The following PTGIR variants were observed in gnomAD, a reference collection of about 807,000 sequenced individuals.
The protein encoded by PTGIR is prostaglandin I2 receptor, also known as prostacyclin receptor.
PTGIR carries 16 observed loss-of-function variants against 17.6 expected under a neutral mutation model. That is an observed-to-expected ratio of 0.91 (90% CI 0.61 to 1.38). The LOEUF (loss-of-function observed/expected upper bound fraction) is 1.38. Among genes scored for constraint, PTGIR ranks in the 40% most tolerant of loss-of-function variants. PTGIR has a pLI of 0.00. For synonymous variants in PTGIR, 274 were observed against 255.4 expected, an observed-to-expected ratio of 1.07 and a Z score of -0.69; for missense variants, 532 against 548.6, an observed-to-expected ratio of 0.97 and a Z score of 0.30.
intron 2 of PTGIR, chr19:46,622,662 C>G (rs2052744268): frequency 6.6e-6 from 1 of 152,288 alleles, no homozygotes; most frequent in South Asian, 2.1e-4. Context: ...AAGCCAGGAG[C>G]TGTCTGACTG....
At position 46,623,878 on chromosome 19, in the gene PTGIR, C is replaced by T. The variant is rs1022299775; in HGVS notation, c.348G>A (p.Glu116=). 7 of 1,610,470 alleles carry T rather than the reference C, an allele frequency of 4.3e-6. No individual in the cohort carries two copies. The African/African-American group carries it at 8.0e-5, about 18-fold the overall frequency. ...AGGGGTGGCTCAGCGCCAGGCAGCG[C>T]TCCACGGCCATGGCAAAGAGGATGA... is the stretch of plus-strand genomic sequence containing the variant. ...SMLILFAMAV[E]RCLALSHPYL... The change falls in exon 2 of 3, where the codon GAG becomes GAA. Residue 116 remains glutamate, a synonymous_variant. Coordinates refer to ENST00000291294, the MANE Select transcript of PTGIR (RefSeq NM_000960.4).
chr19:46,623,875 G>C lies in PTGIR; in HGVS notation c.351C>G (p.Arg117=). Residue 117 remains arginine (R), a synonymous_variant, in exon 2 of 3, where the codon CGC becomes CGG. Transcript: ENST00000291294. ...GGTAGGGGTGGCTCAGCGCCAGGCA[G>C]CGCTCCACGGCCATGGCAAAGAGGA... is the stretch of plus-strand genomic sequence containing the variant. The part of the protein sequence containing the change: ...MLILFAMAVE[R]CLALSHPYLY... 1 of 1,610,480 alleles carries C rather than the reference G, an allele frequency of 6.2e-7. No homozygotes were observed. The highest frequency in any genetic ancestry group is 8.5e-7 in the Non-Finnish European group (1 of 1,178,700).
At chr19:46,617,726 T>TAAGG (rs970005713), downstream of PTGIR, among the ~76,000 whole-genome samples, 20 of 152,048 alleles carry the variant, frequency 1.3e-4, no homozygotes, top group African/African-American at 4.6e-4. Flanking sequence ...CCCCATCCCT[T>TAAGG]CCTCACCATC....
Position 46,620,857 on chromosome 19 carries a change from G to A in PTGIR, c.*423C>T, listed in dbSNP as rs144126196. ...GGCTGGCTCTTGGAGTGGCTTGGTA[G>A]AGGGGGAGGGCCATCCCCTGGGGAC... On this transcript the variant is annotated 3_prime_UTR_variant, in exon 3 of 3. Transcript: ENST00000291294. The A allele has an allele frequency of 8.0e-3, 7,926 of 990,400 alleles. 42 individuals are homozygous for A. The highest frequency in any genetic ancestry group is 0.032 in the Middle Eastern group (61 of 1,928). 61.4% of individuals were successfully genotyped at this position (990,400 alleles called of 1,614,324 possible).
the PTGIR span, among the ~76,000 whole-genome samples, chr19:46,614,570 C>A: frequency 6.6e-6 from 1 of 152,192 alleles, no homozygotes; most frequent in East Asian, 1.9e-4. Flanking sequence ...TTTGAGCCAA[C>A]TGCAGATCAA....
chr19:46,624,200 G>A lies in PTGIR; in HGVS notation c.26C>T (p.Thr9Ile), dbSNP rs1461861314. The part of the protein sequence containing the change: MADSCRNL[T>I]YVRGSVGPAT... The stretch of plus-strand genomic sequence containing the variant: ...CGGCCCCACCGAGCCCCGCACGTAG[G>A]TGAGGTTCCTGCACGAATCCGCCAT... Residue 9 changes from threonine to isoleucine, a missense_variant, in exon 2 of 3, where the codon ACC becomes ATC. Transcript: ENST00000291294. The A allele has an allele frequency of 6.8e-7, 1 of 1,464,734 alleles. No homozygotes were observed. Among genetic ancestry groups the A allele is most frequent in the Non-Finnish European group, 9.0e-7 (1 of 1,115,108 alleles). The allele number at this position is 1,464,734 out of a possible 1,614,324, so 90.7% of individuals were successfully genotyped here.
the PTGIR span, chr19:46,610,918 T>C: frequency 6.5e-6 from 1 of 152,680 alleles, no homozygotes; most frequent in South Asian, 2.1e-4. Context: ...CTGTGTCCAG[T>C]CAGTGCAGCC....
At chr19:46,623,001 G>A (rs140272097) in intron 2 of PTGIR, 3,830 of 131,648 alleles carry the variant, frequency 0.029, 171 homozygotes, top group African/African-American at 0.1. Context: ...TTTTTTTTTG[G>A]GACGGGGTCT....
chr19:46,611,125 A>G, the PTGIR span, among the ~76,000 whole-genome samples: 2 of 152,162 alleles, frequency 1.3e-5, no homozygotes, highest in Admixed American at 1.3e-4. Context: ...CTGAGCTGAG[A>G]CCTACCTGAA....
chr19:46,624,016 G>C lies in PTGIR; in HGVS notation c.210C>G (p.Ala70=). ...DLLGTSFLSP[A]VFVAYARNSS... is the part of the protein sequence containing the mutation. ...TGTTGCGCGCATAGGCCACGAACAC[G>C]GCCGGGCTCAGGAAGCTGGTGCCCA... The change falls in exon 2 of 3, where the codon GCC becomes GCG. Residue 70 remains alanine (A), a synonymous_variant. Transcript: ENST00000291294. The C allele has an allele frequency of 2.6e-6, 4 of 1,543,922 alleles. No individual in the cohort carries two copies. Among genetic ancestry groups the C allele is most frequent in the Non-Finnish European group, 3.5e-6 (4 of 1,144,108 alleles).
chr19:46,620,026 G>T (rs145413436), downstream of PTGIR, among the ~76,000 whole-genome samples: 1,910 of 152,326 alleles, frequency 0.013, 23 homozygotes, highest in Non-Finnish European at 0.019. Flanking sequence ...AAATCACCCC[G>T]GCAGGGCCCA....
downstream of PTGIR, among the ~76,000 whole-genome samples, chr19:46,617,146 C>T (rs527669046): frequency 1.5e-3 from 221 of 152,034 alleles, no homozygotes; most frequent in African/African-American, 4.9e-3. Flanking sequence ...CCATCTGTTG[C>T]GGCCTCAGCC....
At chr19:46,620,025 C>T (rs997884361), downstream of PTGIR, among the ~76,000 whole-genome samples, 3 of 152,210 alleles carry the variant, frequency 2.0e-5, no homozygotes, top group Non-Finnish European at 2.9e-5. Flanking sequence ...GAAATCACCC[C>T]GGCAGGGCCC....
chr19:46,623,750 C>T lies in PTGIR; in HGVS notation c.476G>A (p.Gly159Asp). ...LFCALPLLGL[G>D]QHQQYCPGSW... ...GCCGGGGCAGTACTGCTGGTGTTGGCCCAGGCCCAGCAGGGGCAGCGCGCA... is the reference window on the plus strand; with the variant it reads ...GCCGGGGCAGTACTGCTGGTGTTGGTCCAGGCCCAGCAGGGGCAGCGCGCA... Residue 159 changes from glycine (G) to aspartate (D), a missense_variant, in exon 2 of 3, where the codon GGC (glycine) becomes GAC (aspartate). Physicochemically the swap from Gly to Asp is moderately conservative, Grantham distance 94. Coordinates refer to ENST00000291294, the MANE Select transcript of PTGIR (RefSeq NM_000960.4). 6.3e-7 allele frequency: 1 copy of T among 1,599,234 alleles called. No individual in the cohort carries two copies.
chr19:46,622,642 C>A (rs142037764), intron 2 of PTGIR: 1 of 152,896 alleles, frequency 6.5e-6, no homozygotes, highest in East Asian at 1.9e-4. Context: ...TGCAGAAAGA[C>A]CCCTCCAGAA....
At chr19:46,618,658 T>C (rs901556312), downstream of PTGIR, among the ~76,000 whole-genome samples, 1 of 152,160 alleles carries the variant, frequency 6.6e-6, no homozygotes, top group African/African-American at 2.4e-5. Flanking sequence ...AACATAAAAG[T>C]TGCTATTTTA....
At chr19:46,619,544 AGAAAGAG>A (rs1369829708), downstream of PTGIR, among the ~76,000 whole-genome samples, 16 of 61,664 alleles carry the variant, frequency 2.6e-4, 1 homozygote, top group South Asian at 3.1e-3. Context: ...AAAGAAAGAA[AGAAAGAG>A]AGAGAGAGAG....
downstream of PTGIR, among the ~76,000 whole-genome samples, chr19:46,618,941 C>T (rs1043130144): frequency 6.6e-6 from 1 of 152,214 alleles, no homozygotes; most frequent in Non-Finnish European, 1.5e-5. Flanking sequence ...GTCCAAATAA[C>T]AATAGCAACA....
chr19:46,614,547 CTG>C, the PTGIR span: 1 of 474,690 alleles, frequency 2.1e-6, no homozygotes. Flanking sequence ...CAGTCAGCCT[CTG>C]TGTCTGCTGG....
Sources: allele counts gnomAD v4.1 joint callset (sites outside exome capture counted in the v4.1 genomes callset), GRCh38; gene constraint gnomAD v4.1.1; transcripts MANE v1.5; gene names NCBI Gene and HGNC (gene_info 2026-07-23, HGNC 2026-07-21).